The following DLG2 variants were observed in gnomAD, a reference collection of about 807,000 sequenced individuals.
The protein encoded by DLG2 is disks large homolog 2.
DLG2 carries 45 observed loss-of-function variants against 132.5 expected under a neutral mutation model. The ratio of observed to expected loss-of-function variants is 0.34; its 90% CI spans 0.27 to 0.44. The LOEUF is 0.44. DLG2 is among the 20% of genes least tolerant of loss of function. The probability of loss-of-function intolerance (pLI) is 1.00; values close to 1 mark genes in which losing one functional copy is unlikely to be tolerated. For missense variants in DLG2, 1,045 were observed against 1,196.9 expected, an observed-to-expected ratio of 0.87 and a Z score of 1.87; for synonymous variants, 424 against 419.6, an observed-to-expected ratio of 1.01 and a Z score of -0.13.
Position 84,799,939 on chromosome 11 carries a change from A to C in DLG2, c.358-265208T>G, listed in dbSNP as rs545081581. Reference sequence around the variant, plus strand: ...ATTAATAATAATACTTTCCATTTGCATATGCTTTATGAGAAGCTCTTTCTC... The same window carrying C: ...ATTAATAATAATACTTTCCATTTGCCTATGCTTTATGAGAAGCTCTTTCTC... On this transcript the variant is annotated intron_variant, in intron 6 of 27. Transcript: ENST00000376104. Among the ~76,000 whole-genome samples, 4 of 152,308 alleles carry C rather than the reference A, an allele frequency of 2.6e-5. No homozygotes were observed. The South Asian group carries it at 8.3e-4, about 32-fold the overall frequency.
At chr11:85,409,487 A>T (rs1318350042) in intron 3 of DLG2, among the ~76,000 whole-genome samples, 1 of 151,950 alleles carries the variant, frequency 6.6e-6, no homozygotes, top group Non-Finnish European at 1.5e-5. Context: ...GTATCATATA[A>T]TAATTGCTAT....
intron 8 of DLG2, among the ~76,000 whole-genome samples, chr11:84,246,433 T>C (rs2154347148): frequency 6.6e-6 from 1 of 152,306 alleles, no homozygotes; most frequent in African/African-American, 2.4e-5. Flanking sequence ...TAACTCTTAT[T>C]TTACTTAATA....
intron 6 of DLG2, among the ~76,000 whole-genome samples, chr11:84,648,603 C>T (rs1327755428): frequency 2.0e-5 from 3 of 152,026 alleles, no homozygotes; most frequent in Non-Finnish European, 4.4e-5. Flanking sequence ...GGTTGGATCG[C>T]TCATGCACTG....
chr11:85,395,564 T>C (rs1390871954), intron 3 of DLG2, among the ~76,000 whole-genome samples: 3 of 152,152 alleles, frequency 2.0e-5, no homozygotes, highest in African/African-American at 7.2e-5. Flanking sequence ...ATACTGCACT[T>C]TTCCCACAGT....
At chr11:83,914,843 T>G (rs2076666320) in intron 15 of DLG2, among the ~76,000 whole-genome samples, 1 of 152,164 alleles carries the variant, frequency 6.6e-6, no homozygotes, top group Non-Finnish European at 1.5e-5. Flanking sequence ...TAGGTATGTA[T>G]GTCTGGAGCC....
At chr11:84,349,864 T>C (rs1043500156) in intron 7 of DLG2, among the ~76,000 whole-genome samples, 5 of 150,792 alleles carry the variant, frequency 3.3e-5, no homozygotes, top group African/African-American at 1.2e-4. Context: ...CTAAGATGAA[T>C]CTTTATTCTG....
chr11:85,619,788 T>C (rs553327124), intron 2 of DLG2, among the ~76,000 whole-genome samples: 4 of 151,810 alleles, frequency 2.6e-5, no homozygotes, highest in Admixed American at 2.6e-4. Flanking sequence ...GAACCGAGAT[T>C]GCGCAACTGC....
At chr11:85,446,793 ATGTG>A (rs35097336) in intron 3 of DLG2, among the ~76,000 whole-genome samples, 3,522 of 145,154 alleles carry the variant, frequency 0.024, 103 homozygotes, top group African/African-American at 0.071. Flanking sequence ...GATATAGTAT[ATGTG>A]TGTGTGTGTG....
At chr11:84,707,996 C>T (rs934009778) in intron 6 of DLG2, among the ~76,000 whole-genome samples, 2 of 151,778 alleles carry the variant, frequency 1.3e-5, no homozygotes, top group African/African-American at 4.8e-5. Flanking sequence ...GGGCTTAAAC[C>T]CAAGTGCCAC....
In DLG2 at chr11:84,923,023, T is replaced by C. The variant is rs1339772112; in HGVS notation, c.357+188638A>G. The C allele has an allele frequency of 1.9e-6, 3 of 1,608,418 alleles. No individual in the cohort carries two copies. In the African/African-American group the frequency reaches 4.0e-5, roughly 22 times the overall value. ...GAAGCTACACAAGGTAGACATTTTC[T>C]GCAGCTGGTTTAACATGTATATTGT... On this transcript the variant is annotated intron_variant, in intron 6 of 27. Coordinates refer to ENST00000376104, the MANE Select transcript of DLG2 (RefSeq NM_001142699.3).
intron 19 of DLG2, among the ~76,000 whole-genome samples, chr11:83,560,372 C>A (rs191039873): frequency 7.2e-5 from 11 of 152,272 alleles, no homozygotes; most frequent in Admixed American, 6.5e-4. Flanking sequence ...CCCACCTCAG[C>A]CTCCCAAAGT....
chr11:85,140,689 T>G (rs2076410326), intron 5 of DLG2, among the ~76,000 whole-genome samples: 1 of 151,792 alleles, frequency 6.6e-6, no homozygotes, highest in Admixed American at 6.6e-5. Context: ...CATCTAACTA[T>G]ACTTTTATAT....
chr11:84,026,569 C>A (rs185380784), intron 11 of DLG2, among the ~76,000 whole-genome samples: 1 of 151,774 alleles, frequency 6.6e-6, no homozygotes, highest in East Asian at 1.9e-4. Flanking sequence ...TGTAAAGACA[C>A]ATAATGTTCT....
chr11:85,037,157 C>T (rs1186233374), intron 6 of DLG2, among the ~76,000 whole-genome samples: 1 of 152,110 alleles, frequency 6.6e-6, no homozygotes, highest in Non-Finnish European at 1.5e-5. Context: ...ACTATGCATC[C>T]ACATGTTTTC....
chr11:84,330,375 G>T (rs955090175), intron 7 of DLG2, among the ~76,000 whole-genome samples: 1 of 152,130 alleles, frequency 6.6e-6, no homozygotes, highest in Non-Finnish European at 1.5e-5. Flanking sequence ...TACTTACAAA[G>T]TGTCTCAAGC....
At chr11:83,894,151 C>T (rs1205804924) in intron 15 of DLG2, among the ~76,000 whole-genome samples, 1 of 152,154 alleles carries the variant, frequency 6.6e-6, no homozygotes, top group East Asian at 1.9e-4. Context: ...TCCTTGTTGC[C>T]TTCTTGTAAC....
At chr11:85,191,760 C>T (rs148053924) in intron 4 of DLG2, among the ~76,000 whole-genome samples, 119 of 152,176 alleles carry the variant, frequency 7.8e-4, no homozygotes, top group African/African-American at 2.7e-3. Context: ...AAATATACTA[C>T]CATTGATGGG....
chr11:83,775,816 G>A (rs981964044), intron 18 of DLG2, among the ~76,000 whole-genome samples: 1 of 151,972 alleles, frequency 6.6e-6, no homozygotes, highest in African/African-American at 2.4e-5. Flanking sequence ...TGAATAGCCG[G>A]GCGCAGTGGC....
chr11:84,421,771 T>C (rs939021199), intron 7 of DLG2, among the ~76,000 whole-genome samples: 5 of 152,224 alleles, frequency 3.3e-5, no homozygotes, highest in African/African-American at 1.2e-4. Flanking sequence ...CCTGCTCTGC[T>C]CAGGCCAAGA....
Sources: allele counts gnomAD v4.1 joint callset (sites outside exome capture counted in the v4.1 genomes callset), GRCh38; gene constraint gnomAD v4.1.1; transcripts MANE v1.5; gene names NCBI Gene and HGNC (gene_info 2026-07-23, HGNC 2026-07-21).